Variants in DAB1 observed in about 807,000 individuals in gnomAD.
DAB1 encodes the protein DAB adaptor protein 1, also known as disabled homolog 1.
A neutral mutation model predicts 64.6 loss-of-function variants in DAB1; 15 were observed. The ratio of observed to expected loss-of-function variants is 0.23; its 90% confidence interval spans 0.16 to 0.36. The LOEUF is 0.36. Among genes scored for constraint, DAB1 ranks in the 10% least tolerant of loss-of-function variants. DAB1 has a pLI of 1.00. For synonymous variants in DAB1, 235 were observed against 251.9 expected, an observed-to-expected ratio of 0.93 and a Z score of 0.64; for missense variants, 596 against 706.7, an observed-to-expected ratio of 0.84 and a Z score of 1.78.
intron 7 of DAB1, among the ~76,000 whole-genome samples, chr1:57,595,412 C>G (rs1645496399): frequency 6.7e-6 from 1 of 148,810 alleles, no homozygotes; most frequent in Non-Finnish European, 1.5e-5. Context: ...TAATTTAGAG[C>G]AAAGAAAGGA....
At position 57,439,418 on chromosome 1, in the gene DAB1, G is replaced by GTTTTTTT; in HGVS notation, n.626-148253_626-148252insAAAAAAA. 8.1e-4 allele frequency among the ~76,000 whole-genome samples: 94 copies of GTTTTTTT among 116,112 alleles called. 5 individuals carry two copies. The highest frequency in any genetic ancestry group is 1.4e-3 in the African/African-American group (40 of 28,286). 76.2% of individuals were successfully genotyped at this position (116,112 alleles called of 152,430 possible). ...GCCATGCCATCAACTTGGTGATGAG[G>GTTTTTTT]TTTTTTCTTTTTTTTTTTTTTTTTT... On this transcript the variant is annotated intron_variant and non_coding_transcript_variant, in intron 7 of 20. Coordinates refer to the DAB1 transcript ENST00000485760.
chr1:57,435,525 T>C (rs943425553), intron 7 of DAB1, among the ~76,000 whole-genome samples: 1 of 152,200 alleles, frequency 6.6e-6, no homozygotes, highest in Non-Finnish European at 1.5e-5. Flanking sequence ...TAAGCTTTTT[T>C]CTATTTTTAA....
At chr1:58,074,551 T>TATATATATATATAC (rs1380582901) in intron 5 of DAB1, 2 of 68,594 alleles carry the variant, frequency 2.9e-5, no homozygotes, top group African/African-American at 1.3e-4. Context: ...TATACACACA[T>TATATATATATATAC]ATATATATGT....
chr1:57,336,990 A>G (rs1260933992), intron 1 of DAB1, among the ~76,000 whole-genome samples: 1 of 151,798 alleles, frequency 6.6e-6, no homozygotes, highest in Non-Finnish European at 1.5e-5. Flanking sequence ...GGTAGTACTC[A>G]CAAACAGAGA....
intron 1 of DAB1, among the ~76,000 whole-genome samples, chr1:57,354,022 T>TGTCA (rs1678848435): frequency 6.6e-6 from 1 of 152,150 alleles, no homozygotes; most frequent in Admixed American, 6.5e-5. Flanking sequence ...CTTCAAAACC[T>TGTCA]GTCAACTTTG....
intron 3 of DAB1, among the ~76,000 whole-genome samples, chr1:58,407,682 T>C (rs1644629240): frequency 6.6e-6 from 1 of 152,188 alleles, no homozygotes; most frequent in African/African-American, 2.4e-5. Flanking sequence ...CAGGCAGCTT[T>C]GTCCTGCAAC....
intron 3 of DAB1, among the ~76,000 whole-genome samples, chr1:58,464,166 T>C (rs370607917): frequency 8.9e-4 from 135 of 152,276 alleles, no homozygotes; most frequent in Admixed American, 2.0e-3. Flanking sequence ...CAGAATAGCA[T>C]TTTTGTTGTT....
At chr1:57,384,450 G>A (rs971565356) in intron 1 of DAB1, among the ~76,000 whole-genome samples, 7 of 152,140 alleles carry the variant, frequency 4.6e-5, no homozygotes, top group African/African-American at 1.4e-4. Flanking sequence ...GAAGAAGTAC[G>A]CACATTTGTC....
chr1:58,531,989 G>A (rs1334490162), intron 1 of DAB1, among the ~76,000 whole-genome samples: 1 of 152,046 alleles, frequency 6.6e-6, no homozygotes, highest in African/African-American at 2.4e-5. Flanking sequence ...TTACAGGGGT[G>A]AGCCACTGTG....
At chr1:57,307,800 A>C (rs1674326562) in intron 1 of DAB1, among the ~76,000 whole-genome samples, 1 of 151,846 alleles carries the variant, frequency 6.6e-6, no homozygotes. Flanking sequence ...CTGTATGTTG[A>C]ATATAGACCA....
intron 2 of DAB1, among the ~76,000 whole-genome samples, chr1:57,173,802 G>T (rs1242386604): frequency 2.0e-5 from 3 of 151,964 alleles, no homozygotes; most frequent in African/African-American, 7.2e-5. Context: ...AGCAATTAGA[G>T]AGTACATTTT....
chr1:57,689,144 T>C (rs1035270562), intron 6 of DAB1, among the ~76,000 whole-genome samples: 2 of 152,208 alleles, frequency 1.3e-5, no homozygotes, highest in Non-Finnish European at 2.9e-5. Flanking sequence ...CCTTCCCAGC[T>C]AATTAAATGG....
rs75391847 is a variant in DAB1, at chr1:57,234,963, G to A, written c.67+56001C>T. Among the ~76,000 whole-genome samples the A allele has an allele frequency of 7.7e-3, 1,175 of 152,174 alleles. 31 individuals are homozygous for A. In the East Asian group the frequency reaches 0.08, roughly 10 times the overall value. ...GTCTCTGACGTCCTCTTATATCATC[G>A]GACAGAGACATTTCTGCTTTGAAGG... On this transcript the variant is annotated intron_variant, in intron 2 of 14. Coordinates refer to ENST00000371236, the MANE Select transcript of DAB1 (RefSeq NM_001365792.1).
rs1659817434 is a variant in DAB1, at chr1:57,152,791, G to T, written c.68-7362C>A. On this transcript the variant is annotated intron_variant, in intron 2 of 14. Coordinates refer to ENST00000371236, the MANE Select transcript of DAB1 (RefSeq NM_001365792.1). Reference sequence around the variant, plus strand: ...TGTACATTGGATATATCAGTTTATTGTTATAGCAACATTATGTGGTGGTTG... The same window carrying T: ...TGTACATTGGATATATCAGTTTATTTTTATAGCAACATTATGTGGTGGTTG... Among the ~76,000 whole-genome samples, 5 of 152,196 alleles carry T rather than the reference G, an allele frequency of 3.3e-5. No homozygotes were observed. In the South Asian group the frequency reaches 1.0e-3, roughly 32 times the overall value.
chr1:57,380,063 C>A, intron 1 of DAB1, among the ~76,000 whole-genome samples: 1 of 152,180 alleles, frequency 6.6e-6, no homozygotes, highest in East Asian at 1.9e-4. Context: ...AAATGCCAAG[C>A]ACTCTGCAAA....
At chr1:57,675,071 A>T (rs1227721835) in intron 6 of DAB1, among the ~76,000 whole-genome samples, 2 of 152,224 alleles carry the variant, frequency 1.3e-5, no homozygotes, top group Non-Finnish European at 2.9e-5. Context: ...AGATAGTGGC[A>T]TTACAATTTC....
intron 2 of DAB1, among the ~76,000 whole-genome samples, chr1:57,149,103 AC>A (rs1659422027): frequency 6.6e-6 from 1 of 152,190 alleles, no homozygotes; most frequent in African/African-American, 2.4e-5. Flanking sequence ...TTTATAATAT[AC>A]AATTTTTTGG....
In DAB1 at chr1:57,217,934, G is replaced by C. The variant is rs574705973; in HGVS notation, c.68-72505C>G. Among the ~76,000 whole-genome samples the C allele has an allele frequency of 5.3e-5, 8 of 151,938 alleles. 1 individual carries two copies. In the South Asian group the frequency reaches 1.0e-3, roughly 20 times the overall value. On this transcript the variant is annotated intron_variant, in intron 2 of 14. Coordinates refer to ENST00000371236, the MANE Select transcript of DAB1 (RefSeq NM_001365792.1). ...CATTCATTTTCATTCATCCAAACAA[G>C]GATACAGGTGTCAGATACTACTAGG...
intron 3 of DAB1, among the ~76,000 whole-genome samples, 166 bp from the exon 4 acceptor site, chr1:57,136,807 T>C (rs1043949685): frequency 2.0e-5 from 3 of 152,116 alleles, no homozygotes; most frequent in Non-Finnish European, 4.4e-5. Flanking sequence ...ATCTCCTTGG[T>C]GTTTTAGGGT....
Sources: gnomAD v4.1 joint callset for allele counts (sites outside exome capture counted in the v4.1 genomes callset) on GRCh38, gnomAD v4.1.1 for gene constraint, MANE v1.5 for transcripts, NCBI Gene and HGNC (gene_info 2026-07-23, HGNC 2026-07-21) for gene names.